The following GLB1 variants were observed in gnomAD, a reference collection of about 807,000 sequenced individuals.
GLB1 encodes the protein galactosidase beta 1, also known as beta-galactosidase.
Under a neutral mutation model 74.0 loss-of-function variants are expected in GLB1, and 56 were observed. That is an observed-to-expected ratio of 0.76 (90% CI 0.61 to 0.94). The LOEUF is 0.94. Ranked by LOEUF, GLB1 falls within the 40% of genes least tolerant of loss-of-function variation. The pLI, the probability that GLB1 is intolerant of heterozygous loss-of-function variation, is 0.00. For synonymous variants in GLB1, 323 were observed against 323.6 expected, an observed-to-expected ratio of 1.00 and a Z score of 0.02; for missense variants, 787 against 845.5, an observed-to-expected ratio of 0.93 and a Z score of 0.86.
At chr3:33,016,916 A>G in intron 13 of GLB1, 76 bp from the exon 14 acceptor site, 1 of 1,584,210 alleles carries the variant, frequency 6.3e-7, no homozygotes. Flanking sequence ...TGCTCAGTTA[A>G]TTTAGCACTC....
chr3:33,015,391 G>A (rs548617582), intron 14 of GLB1, among the ~76,000 whole-genome samples: 7 of 152,258 alleles, frequency 4.6e-5, no homozygotes, highest in South Asian at 2.1e-4. Context: ...TAATGATGAC[G>A]ATGGCAAACC....
chr3:32,985,104 C>CAAAAA, the GLB1 span, among the ~76,000 whole-genome samples: 1 of 61,966 alleles, frequency 1.6e-5, no homozygotes, highest in Non-Finnish European at 3.5e-5. Context: ...AACTCTGTCT[C>CAAAAA]AAAAAAAAAA....
intron 4 of GLB1, among the ~76,000 whole-genome samples, chr3:33,067,456 A>ATTTTTAAAT (rs57166369): frequency 0.96 from 145,486 of 151,762 alleles, 69,903 homozygotes; most frequent in Non-Finnish European, 1. Flanking sequence ...CACCTGGCTA[A>ATTTTTAAAT]TTTTTATAGA....
At position 33,026,126 on chromosome 3, in the gene GLB1, C is replaced by G. The variant is rs1365228143; in HGVS notation, c.1069-1801G>C. On this transcript the variant is annotated intron_variant, in intron 10 of 15. Coordinates refer to ENST00000307363, the MANE Select transcript of GLB1 (RefSeq NM_000404.4). ...AGGAGCTGGGCGTGGCTGCAGCTAC[C>G]AAGCTGCAGCTGCAGACGGAAACAT... Among the ~76,000 whole-genome samples, 3 of 152,072 alleles carry G rather than the reference C, an allele frequency of 2.0e-5. No homozygotes were observed. The East Asian group carries it at 5.8e-4, about 29-fold the overall frequency.
intron 10 of GLB1, among the ~76,000 whole-genome samples, chr3:33,027,217 T>A (rs930254292): frequency 2.0e-5 from 3 of 152,244 alleles, no homozygotes; most frequent in Non-Finnish European, 4.4e-5. Flanking sequence ...GTGCACCTGG[T>A]CCAGCTGCAG....
intron 1 of GLB1, 126 bp downstream of exon 1, chr3:33,096,885 C>T: frequency 1.4e-6 from 2 of 1,478,680 alleles, no homozygotes; most frequent in South Asian, 2.6e-5. Flanking sequence ...CGCGAGCCTG[C>T]TGGGGGGCAC....
intron 10 of GLB1, among the ~76,000 whole-genome samples, chr3:33,044,319 G>A (rs1400337199): frequency 6.6e-6 from 1 of 152,046 alleles, no homozygotes; most frequent in Non-Finnish European, 1.5e-5. Flanking sequence ...TATCAATGGT[G>A]AAGAGAAATC....
At chr3:33,075,399 T>C (rs1332341491) in intron 1 of GLB1, among the ~76,000 whole-genome samples, 1 of 152,220 alleles carries the variant, frequency 6.6e-6, no homozygotes, top group African/African-American at 2.4e-5. Context: ...AATCTGGCCT[T>C]TGTCCCATAC....
intron 1 of GLB1, chr3:33,094,054 G>C: frequency 6.2e-7 from 1 of 1,614,266 alleles, no homozygotes; most frequent in Non-Finnish European, 8.5e-7. Flanking sequence ...AACAGGGCAA[G>C]CTGCAAGCGA....
chr3:33,013,772 A>ACCCC (rs1697123421), intron 15 of GLB1, among the ~76,000 whole-genome samples: 1 of 152,046 alleles, frequency 6.6e-6, no homozygotes, highest in African/African-American at 2.4e-5. Context: ...AAGAGAAAGC[A>ACCCC]CCCCTATAAT....
At chr3:33,074,332 G>GGAAGGAAA (rs1559412723) in intron 1 of GLB1, among the ~76,000 whole-genome samples, 2 of 30,262 alleles carry the variant, frequency 6.6e-5, no homozygotes, top group African/African-American at 2.4e-4. Context: ...AAAGAAGGAA[G>GGAAGGAAA]GAAGGAAGGA....
intron 11 of GLB1, among the ~76,000 whole-genome samples, chr3:33,022,093 C>T (rs977334165): frequency 2.8e-4 from 42 of 152,132 alleles, no homozygotes; most frequent in Non-Finnish European, 3.2e-4. Context: ...ATATTTAATA[C>T]TTCCTAGTTA....
the GLB1 span, among the ~76,000 whole-genome samples, chr3:32,988,681 T>C: frequency 1.3e-5 from 2 of 152,198 alleles, no homozygotes; most frequent in African/African-American, 4.8e-5. Context: ...TTGGCTTTTG[T>C]AGAGTTTGCA....
the GLB1 span, among the ~76,000 whole-genome samples, chr3:32,986,692 G>A: frequency 2.0e-5 from 3 of 151,202 alleles, no homozygotes; most frequent in South Asian, 4.2e-4. Flanking sequence ...CCGGGTTCAC[G>A]TGACACTCCT....
intron 1 of GLB1, chr3:33,091,968 CAT>C: frequency 1.0e-6 from 1 of 984,340 alleles, no homozygotes; most frequent in Non-Finnish European, 1.2e-6. Context: ...AAATCTCCTA[CAT>C]ATCTTGTCAT....
intron 15 of GLB1, among the ~76,000 whole-genome samples, chr3:33,009,158 A>AAATAAATAAATAAATAAAT (rs1559379929): frequency 2.2e-5 from 2 of 92,238 alleles, no homozygotes; most frequent in Admixed American, 9.5e-5. Flanking sequence ...AATAAATAAA[A>AAATAAATAAATAAATAAAT]AAGATTGTGG....
At chr3:33,011,058 T>C (rs1473782970) in intron 15 of GLB1, among the ~76,000 whole-genome samples, 1 of 152,160 alleles carries the variant, frequency 6.6e-6, no homozygotes, top group East Asian at 1.9e-4. Flanking sequence ...GGTTCTGCCA[T>C]GTTGCCCAGG....
chr3:33,092,328 G>A, intron 1 of GLB1: 1 of 987,262 alleles, frequency 1.0e-6, no homozygotes, highest in African/African-American at 1.7e-5. Context: ...GCAGCCAGAG[G>A]GCCCTTCCAT....
intron 10 of GLB1, among the ~76,000 whole-genome samples, chr3:33,026,531 T>A (rs1053922162): frequency 6.6e-6 from 1 of 152,120 alleles, no homozygotes; most frequent in Non-Finnish European, 1.5e-5. Flanking sequence ...AAGCCCCACC[T>A]TCAAGCTGGG....
Sources: allele counts gnomAD v4.1 joint callset (sites outside exome capture counted in the v4.1 genomes callset), GRCh38; gene constraint gnomAD v4.1.1; transcripts MANE v1.5; gene names NCBI Gene and HGNC (gene_info 2026-07-23, HGNC 2026-07-21).